SLC2A13: variants seen among roughly 807,000 people sequenced by gnomAD.
SLC2A13 encodes the protein solute carrier family 2 member 13.
In SLC2A13, 32 loss-of-function variants were observed where a neutral mutation model predicts 64.4. The observed-to-expected ratio is 0.50, with a 90% confidence interval of 0.37 to 0.67. The LOEUF (loss-of-function observed/expected upper bound fraction) is 0.67, where lower values mean the gene tolerates loss of function less well. Among genes scored for constraint, SLC2A13 ranks in the 30% least tolerant of loss-of-function variants. The probability of loss-of-function intolerance (pLI) is 0.00; values close to 1 mark genes in which losing one functional copy is unlikely to be tolerated. For missense variants in SLC2A13, 743 were observed against 829.2 expected (o/e 0.90, Z 1.28); for synonymous variants, 338 against 327.1 (o/e 1.03, Z -0.36).
intron 6 of SLC2A13, among the ~76,000 whole-genome samples, chr12:39,862,661 C>A (rs552058042): frequency 1.1e-3 from 166 of 152,226 alleles, no homozygotes; most frequent in African/African-American, 3.5e-3. Flanking sequence ...TTATGTGATT[C>A]TTTTCCTGTT....
chr12:40,035,664 C>A (rs1947972422), intron 2 of SLC2A13, among the ~76,000 whole-genome samples: 1 of 152,142 alleles, frequency 6.6e-6, no homozygotes, highest in Admixed American at 6.5e-5. Flanking sequence ...ACCTGTGTTA[C>A]CTCGAGAAAG....
At chr12:39,888,720 G>A (rs1028157281) in intron 4 of SLC2A13, among the ~76,000 whole-genome samples, 7 of 152,172 alleles carry the variant, frequency 4.6e-5, no homozygotes, top group Admixed American at 1.3e-4. Context: ...CATCAAAGAA[G>A]TTTGTCAACA....
chr12:39,781,875 T>G (rs1437580103), intron 7 of SLC2A13, among the ~76,000 whole-genome samples: 3 of 152,208 alleles, frequency 2.0e-5, no homozygotes, highest in African/African-American at 7.2e-5. Context: ...TTAGGACATT[T>G]GCCTGTACTT....
intron 4 of SLC2A13, among the ~76,000 whole-genome samples, chr12:39,878,024 T>C (rs1944235701): frequency 1.3e-5 from 2 of 152,188 alleles, no homozygotes; most frequent in Non-Finnish European, 2.9e-5. Flanking sequence ...TTTTGCCATG[T>C]GATGTGTCTG....
At chr12:39,920,209 T>G (rs1014171865) in intron 4 of SLC2A13, among the ~76,000 whole-genome samples, 7 of 152,148 alleles carry the variant, frequency 4.6e-5, no homozygotes, top group Non-Finnish European at 1.0e-4. Context: ...GCATGTATTT[T>G]TTAACCTTTT....
intron 7 of SLC2A13, among the ~76,000 whole-genome samples, chr12:39,786,987 C>CT (rs201169429): frequency 4.9e-4 from 30 of 61,076 alleles, no homozygotes; most frequent in Non-Finnish European, 8.9e-4. Flanking sequence ...TGTGTTTTTT[C>CT]TTTTTTTTAA....
intron 3 of SLC2A13, among the ~76,000 whole-genome samples, chr12:39,951,860 T>C (rs1456582449): frequency 6.6e-6 from 1 of 152,162 alleles, no homozygotes. Context: ...GTTACAGAAT[T>C]TGGGCATGAT....
chr12:39,883,354 T>G (rs12305889), intron 4 of SLC2A13, among the ~76,000 whole-genome samples: 23 of 152,190 alleles, frequency 1.5e-4, no homozygotes, highest in African/African-American at 5.5e-4. Context: ...TGTTCCCAGG[T>G]GCCCTCATGG....
At chr12:40,068,268 A>T in intron 1 of SLC2A13, 1 of 362,136 alleles carries the variant, frequency 2.8e-6, no homozygotes, top group South Asian at 2.1e-5. Context: ...ATCTTCTGGC[A>T]TGCTTCTAAA....
chr12:39,962,956 C>T (rs1279864387), intron 3 of SLC2A13, among the ~76,000 whole-genome samples: 4 of 152,118 alleles, frequency 2.6e-5, no homozygotes, highest in East Asian at 1.9e-4. Flanking sequence ...TCCATAAGCT[C>T]TCTAGTAGAA....
At chr12:40,095,305 T>C (rs1230742289) in intron 1 of SLC2A13, among the ~76,000 whole-genome samples, 1 of 152,166 alleles carries the variant, frequency 6.6e-6, no homozygotes, top group Non-Finnish European at 1.5e-5. Flanking sequence ...AAAATCTGCG[T>C]GAAGTAAAAT....
Position 39,919,884 on chromosome 12 carries a change from G to A in SLC2A13, c.1034+31373C>T, listed in dbSNP as rs1337171845. ...GAATAGGCTGACAGTGCTTACCTCC[G>A]CATTCTTTCACATTCCCCAAAGCTA... On this transcript the variant is annotated intron_variant, in intron 4 of 9. Coordinates refer to ENST00000280871, the MANE Select transcript of SLC2A13 (RefSeq NM_052885.4). Among the ~76,000 whole-genome samples the A allele has an allele frequency of 1.4e-4, 21 of 152,110 alleles. 1 individual carries two copies. Among genetic ancestry groups the A allele is most frequent in the Admixed American group, 7.9e-4 (12 of 15,282 alleles).
chr12:40,071,278 G>T (rs1355311717), intron 1 of SLC2A13, among the ~76,000 whole-genome samples: 1 of 152,020 alleles, frequency 6.6e-6, no homozygotes. Flanking sequence ...TACCCAGGCT[G>T]GTCTCGAAAT....
At chr12:40,052,297 C>T (rs1948272175) in intron 1 of SLC2A13, among the ~76,000 whole-genome samples, 2 of 152,014 alleles carry the variant, frequency 1.3e-5, no homozygotes, top group African/African-American at 4.8e-5. Context: ...CTCCCTGTTT[C>T]CCCTACCCAA....
At position 40,088,829 on chromosome 12, in the gene SLC2A13, G is replaced by A. The variant is rs11564278; in HGVS notation, c.556+16424C>T. Reference sequence around the variant, plus strand: ...AATGAGTGGGATAATAAATTCCTTGGTGAAGTATGTTTTTTAACAACAAAA... The same window carrying A: ...AATGAGTGGGATAATAAATTCCTTGATGAAGTATGTTTTTTAACAACAAAA... On this transcript the variant is annotated intron_variant, in intron 1 of 9. Coordinates refer to ENST00000280871, the MANE Select transcript of SLC2A13 (RefSeq NM_052885.4). 2.6e-3 allele frequency among the ~76,000 whole-genome samples: 399 copies of A among 152,198 alleles called. 1 individual carries two copies. The highest frequency in any genetic ancestry group is 4.2e-3 in the Admixed American group (64 of 15,284).
At chr12:40,101,346 C>T (rs1249561718) in intron 1 of SLC2A13, among the ~76,000 whole-genome samples, 3 of 152,104 alleles carry the variant, frequency 2.0e-5, no homozygotes, top group Admixed American at 6.5e-5. Context: ...CATTTAATAC[C>T]CATTAATAAC....
chr12:39,764,274 T>C (rs574299453), intron 9 of SLC2A13, among the ~76,000 whole-genome samples, 186 bp downstream of exon 9: 2 of 152,172 alleles, frequency 1.3e-5, no homozygotes, highest in South Asian at 2.1e-4. Flanking sequence ...CTGTTTAGGA[T>C]AGGAGAATCC....
In SLC2A13 at chr12:39,977,929, T is replaced by G. The variant is rs76371028; in HGVS notation, c.926-26564A>C. Among the ~76,000 whole-genome samples, 737 of 152,354 alleles carry G rather than the reference T, an allele frequency of 4.8e-3. 16 individuals carry two copies. In the East Asian group the frequency reaches 0.08, roughly 16 times the overall value. On this transcript the variant is annotated intron_variant, in intron 3 of 9. Transcript: ENST00000280871. ...CTCCCCTAAATGCCCATTTCCCTCC[T>G]ATCTAAATTATTATCTTTATGATAA...
intron 1 of SLC2A13, among the ~76,000 whole-genome samples, chr12:40,085,951 T>G (rs909864225): frequency 2.0e-5 from 3 of 152,066 alleles, no homozygotes; most frequent in Admixed American, 1.3e-4. Context: ...CCCAGCTCAC[T>G]GCAACCTCCA....
Sources: allele counts gnomAD v4.1 joint callset (sites outside exome capture counted in the v4.1 genomes callset), GRCh38; gene constraint gnomAD v4.1.1; transcripts MANE v1.5; gene names NCBI Gene and HGNC (gene_info 2026-07-23, HGNC 2026-07-21).